Variants in ACTG1 observed in about 807,000 individuals in gnomAD.
ACTG1 encodes actin, cytoplasmic 2.
In ACTG1, 14 loss-of-function variants were observed where a neutral mutation model predicts 34.3. The observed-to-expected ratio is 0.41, with a 90% CI of 0.27 to 0.64. The LOEUF (loss-of-function observed/expected upper bound fraction) is 0.64. ACTG1 is among the 30% of genes least tolerant of loss of function. ACTG1 has a pLI of 0.33. For synonymous variants in ACTG1, 422 were observed against 213.9 expected, an observed-to-expected ratio of 1.97 and a Z score of -8.49; for missense variants, 233 against 529.5, an observed-to-expected ratio of 0.44 and a Z score of 5.50.
chr17:81,510,870 G>A (rs1555666429), intron 5 of ACTG1, 37 bp from the exon 6 acceptor site: 2 of 1,597,884 alleles, frequency 1.3e-6, no homozygotes, highest in Admixed American at 1.7e-5. Context: ...AGCTCACAGA[G>A]CGCCCCCCAG....
rs555749639 is a variant in ACTG1 at position 81,510,378 on chromosome 17, C to T, written c.*312G>A. Reference sequence around the variant, plus strand: ...CCACACAGACTCACCAAGCCACAGACTTGTCTTCCACAAGCACGTTCTTAC... The same window carrying T: ...CCACACAGACTCACCAAGCCACAGATTTGTCTTCCACAAGCACGTTCTTAC... On this transcript the variant is annotated 3_prime_UTR_variant, in exon 6 of 6. Transcript: ENST00000573283. 17 of 480,782 alleles carry T rather than the reference C, an allele frequency of 3.5e-5. No homozygotes were observed. Among genetic ancestry groups the T allele is most frequent in the South Asian group, 2.8e-4 (16 of 56,174 alleles). 29.8% of individuals were successfully genotyped at this position (480,782 alleles called of 1,614,324 possible). A position where few individuals can be genotyped will look rare whatever the true frequency, so the allele number is the denominator to read the frequency against.
Position 81,512,540 on chromosome 17 carries a change from G to A in ACTG1, c.-6-180C>T, listed in dbSNP as rs578027054. ...CCTTTTACGTAACGTCCACGGCTCG[G>A]AAGTCTGCACTGCGGCCGGGCCCCG... On this transcript the variant is annotated intron_variant, in intron 1 of 5. Coordinates refer to ENST00000573283, the MANE Select transcript of ACTG1 (RefSeq NM_001614.5). 405 of 1,045,462 alleles carry A rather than the reference G, an allele frequency of 3.9e-4. 5 individuals are homozygous for A. The Middle Eastern group carries it at 5.5e-3, about 14-fold the overall frequency. 64.8% of individuals were successfully genotyped at this position (1,045,462 alleles called of 1,614,324 possible). A position where few individuals can be genotyped will look rare whatever the true frequency, so the allele number is the denominator to read the frequency against.
chr17:81,512,423 C>T lies in ACTG1; in HGVS notation c.-6-63G>A, dbSNP rs1436302643. The T allele has an allele frequency of 5.6e-6, 9 of 1,612,960 alleles. No homozygotes were observed. The South Asian group carries it at 8.8e-5, about 16-fold the overall frequency. On this transcript the variant is annotated intron_variant, in intron 1 of 5. Transcript: ENST00000573283. ...TAACACGGTCCCCTCCCCACAGCCA[C>T]CTAATGCCCTCCCGCGGGGAAGCCT...
At chr17:81,511,667 C>A in intron 3 of ACTG1, 41 bp from the exon 4 acceptor site, 1 of 1,589,184 alleles carries the variant, frequency 6.3e-7, no homozygotes, top group Non-Finnish European at 8.6e-7. Flanking sequence ...GGACAGAGAC[C>A]CACGGCCACC....
intron 3 of ACTG1, 72 bp downstream of exon 3, chr17:81,511,831 G>C (rs782504453): frequency 1.9e-6 from 3 of 1,608,134 alleles, no homozygotes; most frequent in Non-Finnish European, 1.7e-6. Flanking sequence ...ACACTTAAAT[G>C]TCAGAAATCA....
intron 3 of ACTG1, 129 bp downstream of exon 3, chr17:81,511,774 A>G (rs781821826): frequency 1.3e-6 from 2 of 1,554,586 alleles, no homozygotes; most frequent in Non-Finnish European, 1.8e-6. Flanking sequence ...TGGAGGCTTC[A>G]GGGAGGAAAT....
rs148528303 is a variant in ACTG1 at position 81,511,381 on chromosome 17, C to T, written c.609G>A (p.Thr203=). The change falls in exon 4 of 6, where the codon ACG becomes ACA. Residue 203 remains threonine (T), a synonymous_variant. Coordinates refer to ENST00000573283, the MANE Select transcript of ACTG1 (RefSeq NM_001614.5). ...TGTCGCGCACGATTTCCCGCTCGGC[C>T]GTGGTGGTGAAGCTGTAGCCTCGCT... ...LTERGYSFTT[T]AEREIVRDIK... is the part of the protein sequence containing the mutation. 1.6e-4 allele frequency: 254 copies of T among 1,613,802 alleles called. No homozygotes were observed. The highest frequency in any genetic ancestry group is 1.9e-4 in the Non-Finnish European group (222 of 1,180,034).
In ACTG1 at chr17:81,511,170, T is replaced by C. The variant is rs1555666575; in HGVS notation, c.802+18A>G. 6.2e-7 allele frequency: 1 copy of C among 1,613,620 alleles called. No individual in the cohort carries two copies. Among genetic ancestry groups the C allele is most frequent in the Non-Finnish European group, 8.5e-7 (1 of 1,180,018 alleles). On this transcript the variant is annotated intron_variant, in intron 4 of 5. Coordinates refer to ENST00000573283, the MANE Select transcript of ACTG1 (RefSeq NM_001614.5). ...ACCGAGGATGTAAGAGTAGAAACCT[T>C]TAGCTCACAACACCTACCCAGGAAG...
rs782757921 is a variant in ACTG1, at chr17:81,510,506, G to C, written c.*184C>G. ...AGGGGAACAGTTAACTTCAATACAAGGTCAAAATCAGCAACAAGTTCTACA... is the reference window on the plus strand; with the variant it reads ...AGGGGAACAGTTAACTTCAATACAACGTCAAAATCAGCAACAAGTTCTACA... On this transcript the variant is annotated 3_prime_UTR_variant, in exon 6 of 6. Coordinates refer to ENST00000573283, the MANE Select transcript of ACTG1 (RefSeq NM_001614.5). The C allele has an allele frequency of 3.7e-6, 3 of 807,816 alleles. No homozygotes were observed. Among genetic ancestry groups the C allele is most frequent in the Non-Finnish European group, 2.1e-6 (1 of 476,566 alleles). 50.0% of individuals were successfully genotyped at this position (807,816 alleles called of 1,614,324 possible).
chr17:81,511,843 G>C (rs569289825), intron 3 of ACTG1, 60 bp downstream of exon 3: 1 of 1,610,070 alleles, frequency 6.2e-7, no homozygotes, highest in Non-Finnish European at 8.5e-7. Context: ...CAGAAATCAA[G>C]CCGGGCAGAA....
chr17:81,511,937 A>AG lies in ACTG1; in HGVS notation c.328dup (p.Leu110ProfsTer16), dbSNP rs1227006952. 3 of 1,614,072 alleles carry AG rather than the reference A, an allele frequency of 1.9e-6. No homozygotes were observed. The highest frequency in any genetic ancestry group is 1.1e-5 in the South Asian group (1 of 91,086). On this transcript the variant is annotated frameshift_variant, in exon 3 of 6. Coordinates refer to ENST00000573283, the MANE Select transcript of ACTG1 (RefSeq NM_001614.5). LOFTEE classifies it high-confidence loss of function. ...CTTCTCTCTGTTGGCCTTGGGGTTC[A>AG]GGGGGGCCTCGGTCAGCAGCACTGG...
chr17:81,510,106 T>C lies in ACTG1; in HGVS notation c.*584A>G, dbSNP rs150946913. On this transcript the variant is annotated 3_prime_UTR_variant, in exon 6 of 6. Coordinates refer to ENST00000573283, the MANE Select transcript of ACTG1 (RefSeq NM_001614.5). ...CGAGAATTGCGTACAAAAAAAACCT[T>C]ACATAAATTAAGAATGAATACATTT... 28 of 466,486 alleles carry C rather than the reference T, an allele frequency of 6.0e-5. No homozygotes were observed. Among genetic ancestry groups the C allele is most frequent in the African/African-American group, 5.4e-4 (27 of 50,290 alleles). The allele number at this position is 466,486 out of a possible 1,614,324, so 28.9% of individuals were successfully genotyped here.
At chr17:81,511,798 C>G (rs782794232) in intron 3 of ACTG1, 105 bp downstream of exon 3, 2 of 1,587,174 alleles carry the variant, frequency 1.3e-6, no homozygotes, top group Non-Finnish European at 1.7e-6. Flanking sequence ...GGGAGAGGAA[C>G]AGAGCCTGGA....
At position 81,512,154 on chromosome 17, in the gene ACTG1, G is replaced by A; in HGVS notation, c.124-12C>T. 1.9e-6 allele frequency: 3 copies of A among 1,613,410 alleles called. No homozygotes were observed. Among genetic ancestry groups the A allele is most frequent in the South Asian group, 1.1e-5 (1 of 91,062 alleles). ...CCCACCATGACGCCCTGCAGGGGAC[G>A]ACCCGTCAGCCTCGCCGGCGACACC... On this transcript the variant is annotated splice_polypyrimidine_tract_variant and intron_variant, in intron 2 of 5. Transcript: ENST00000573283.
In ACTG1 at chr17:81,512,253, G is replaced by T. The variant is rs782119646; in HGVS notation, c.102C>A (p.Ile34=). 6.2e-7 allele frequency: 1 copy of T among 1,613,626 alleles called. No individual in the cohort carries two copies. Among genetic ancestry groups the T allele is most frequent in the Non-Finnish European group, 8.5e-7 (1 of 1,179,968 alleles). The part of the protein sequence containing the change: ...DDAPRAVFPS[I]VGRPRHQGVM... ...TCACCTGGTGTCTGGGGCGCCCGAC[G>T]ATGGAAGGAAACACGGCTCGGGGAG... The change falls in exon 2 of 6, where the codon ATC becomes ATA. Residue 34 remains isoleucine, a synonymous_variant. Coordinates refer to ENST00000573283, the MANE Select transcript of ACTG1 (RefSeq NM_001614.5).
Position 81,512,115 on chromosome 17 carries a change from C to T in ACTG1, c.151G>A (p.Asp51Asn). Residue 51 changes from aspartate to asparagine, a missense_variant, in exon 3 of 6, where the codon GAC becomes AAC. Coordinates refer to ENST00000573283, the MANE Select transcript of ACTG1 (RefSeq NM_001614.5). The stretch of plus-strand genomic sequence containing the variant: ...TGGGCCTCGTCGCCCACGTAGGAGT[C>T]CTTCTGGCCCATGCCCACCATGACG... The part of the protein sequence containing the change: ...QGVMVGMGQK[D>N]SYVGDEAQSK... 1 of 1,613,784 alleles carries T rather than the reference C, an allele frequency of 6.2e-7. No homozygotes were observed. Among genetic ancestry groups the T allele is most frequent in the Non-Finnish European group, 8.5e-7 (1 of 1,180,036 alleles).
chr17:81,512,669 GC>G, intron 1 of ACTG1, 64 bp downstream of exon 1: 4 of 413,540 alleles, frequency 9.7e-6, no homozygotes, highest in South Asian at 8.2e-5. Context: ...TGGAAGCGGG[GC>G]CAGCCGGGGT....
At position 81,510,163 on chromosome 17, in the gene ACTG1, A is replaced by T; in HGVS notation, c.*527T>A. 1 of 506,908 alleles carries T rather than the reference A, an allele frequency of 2.0e-6. No homozygotes were observed. Among genetic ancestry groups the T allele is most frequent in the Non-Finnish European group, 3.6e-6 (1 of 275,380 alleles). The allele number at this position is 506,908 out of a possible 1,614,324, so 31.4% of individuals were successfully genotyped here. A position where few individuals can be genotyped will look rare whatever the true frequency, so the allele number is the denominator to read the frequency against. ...GTAAATGCAAACCGCTTCCAACTCA[A>T]AGCAAGTAACAGCCCACGGTGTTCT... is the stretch of plus-strand genomic sequence containing the variant. On this transcript the variant is annotated 3_prime_UTR_variant, in exon 6 of 6. Coordinates refer to ENST00000573283, the MANE Select transcript of ACTG1 (RefSeq NM_001614.5).
intron 3 of ACTG1, 96 bp from the exon 4 acceptor site, chr17:81,511,722 G>T: frequency 6.6e-7 from 1 of 1,516,396 alleles, no homozygotes. Context: ...TGTGATGTGT[G>T]GAGAAAAGAA....
Sources: allele counts gnomAD v4.1 joint callset, GRCh38; gene constraint gnomAD v4.1.1; transcripts MANE v1.5; gene names NCBI Gene and HGNC (gene_info 2026-07-23, HGNC 2026-07-21).